PABPC4L: variants seen among roughly 807,000 people sequenced by gnomAD.
The protein encoded by PABPC4L is poly(A) binding protein cytoplasmic 4 like, also known as polyadenylate-binding protein 4-like.
For missense variants in PABPC4L, 452 were observed against 451.4 expected (o/e 1.00, Z -0.01); for synonymous variants, 169 against 164.1 (o/e 1.03, Z -0.23).
the PABPC4L span, among the ~76,000 whole-genome samples, chr4:134,143,271 A>T: frequency 6.7e-6 from 1 of 150,340 alleles, no homozygotes; most frequent in Non-Finnish European, 1.5e-5. Context: ...AATAATAAGC[A>T]TACTAAATAT....
the PABPC4L span, among the ~76,000 whole-genome samples, chr4:133,988,257 C>G: frequency 2.0e-5 from 3 of 152,154 alleles, no homozygotes; most frequent in Non-Finnish European, 4.4e-5. Context: ...CTCTCAAAGT[C>G]TGAACTCATT....
At chr4:133,981,559 G>A in the PABPC4L span, among the ~76,000 whole-genome samples, 1 of 152,000 alleles carries the variant, frequency 6.6e-6, no homozygotes, top group South Asian at 2.1e-4. Context: ...GGGAAAAATT[G>A]TCTTTTAATT....
At chr4:134,189,271 A>G in the PABPC4L span, among the ~76,000 whole-genome samples, 1 of 152,006 alleles carries the variant, frequency 6.6e-6, no homozygotes, top group Non-Finnish European at 1.5e-5. Context: ...TAATACCAAC[A>G]TTGTTGTCAT....
At chr4:134,120,912 C>G in the PABPC4L span, among the ~76,000 whole-genome samples, 31 of 151,236 alleles carry the variant, frequency 2.0e-4, no homozygotes, top group African/African-American at 6.8e-4. Context: ...TGTTTTTCTC[C>G]TCTCTCCTCT....
At chr4:134,082,979 G>A in the PABPC4L span, among the ~76,000 whole-genome samples, 1 of 152,126 alleles carries the variant, frequency 6.6e-6, no homozygotes, top group African/African-American at 2.4e-5. Context: ...GAGCACTGGG[G>A]TTAGCATGAC....
At chr4:133,983,991 T>C in the PABPC4L span, among the ~76,000 whole-genome samples, 3 of 151,832 alleles carry the variant, frequency 2.0e-5, no homozygotes, top group Non-Finnish European at 4.4e-5. Flanking sequence ...GAAATCTATA[T>C]AGGTAAATTA....
At chr4:134,179,518 A>T in the PABPC4L span, among the ~76,000 whole-genome samples, 1 of 152,150 alleles carries the variant, frequency 6.6e-6, no homozygotes, top group Non-Finnish European at 1.5e-5. Context: ...TGATGACAGA[A>T]TCAAATTCAC....
the PABPC4L span, among the ~76,000 whole-genome samples, chr4:134,043,025 G>A: frequency 3.9e-5 from 6 of 152,092 alleles, no homozygotes; most frequent in African/African-American, 1.4e-4. Flanking sequence ...AGATTACTTT[G>A]AAATCTCTGG....
At chr4:133,981,988 C>T in the PABPC4L span, among the ~76,000 whole-genome samples, 1 of 151,810 alleles carries the variant, frequency 6.6e-6, no homozygotes, top group East Asian at 1.9e-4. Flanking sequence ...AATAAAGTTA[C>T]TGTATAGGGA....
the PABPC4L span, among the ~76,000 whole-genome samples, chr4:134,083,237 C>T: frequency 6.6e-6 from 1 of 152,086 alleles, no homozygotes; most frequent in East Asian, 1.9e-4. Context: ...AAATTGGTTC[C>T]TCTGTTTATC....
chr4:134,041,705 T>C, the PABPC4L span, among the ~76,000 whole-genome samples: 2 of 151,836 alleles, frequency 1.3e-5, no homozygotes, highest in South Asian at 2.1e-4. Context: ...CCAGAACTTA[T>C]AGTATAATTA....
At chr4:134,082,746 C>A in the PABPC4L span, among the ~76,000 whole-genome samples, 1 of 151,852 alleles carries the variant, frequency 6.6e-6, no homozygotes, top group Admixed American at 6.6e-5. Context: ...ACATCATTAG[C>A]ATATTTTTCC....
rs1729757702 is a variant in PABPC4L at position 134,199,038 on chromosome 4, T to A, written c.*869A>T. ...AAGTTTTTAAACAGAATTTCTATAA[T>A]CTGTATGTATGATTTTCATAATATT... On this transcript the variant is annotated 3_prime_UTR_variant, in exon 2 of 2. Coordinates refer to ENST00000421491, the MANE Select transcript of PABPC4L (RefSeq NM_001114734.2). The A allele has an allele frequency of 6.6e-6, 1 of 152,056 alleles. No individual in the cohort carries two copies. The highest frequency in any genetic ancestry group is 2.4e-5 in the African/African-American group (1 of 41,450). 9.4% of individuals were successfully genotyped at this position (152,056 alleles called of 1,614,324 possible).
the PABPC4L span, among the ~76,000 whole-genome samples, chr4:134,180,702 A>C: frequency 6.6e-6 from 1 of 151,656 alleles, no homozygotes; most frequent in East Asian, 1.9e-4. Flanking sequence ...GAGGATGTAC[A>C]GTTGACCTTA....
chr4:134,155,904 A>T, the PABPC4L span, among the ~76,000 whole-genome samples: 1 of 152,036 alleles, frequency 6.6e-6, no homozygotes, highest in African/African-American at 2.4e-5. Context: ...AATAACATAA[A>T]AAGCATTGAA....
At chr4:134,076,829 G>A in the PABPC4L span, among the ~76,000 whole-genome samples, 5 of 152,020 alleles carry the variant, frequency 3.3e-5, no homozygotes, top group African/African-American at 1.2e-4. Context: ...ATACATATAT[G>A]TATATGTGTG....
chr4:134,047,219 T>A, the PABPC4L span, among the ~76,000 whole-genome samples: 720 of 152,240 alleles, frequency 4.7e-3, 9 homozygotes, highest in African/African-American at 0.016. Flanking sequence ...CAGTGGTGGT[T>A]CAGAAAAGAA....
chr4:134,028,983 T>C, the PABPC4L span, among the ~76,000 whole-genome samples: 1 of 152,188 alleles, frequency 6.6e-6, no homozygotes, highest in East Asian at 1.9e-4. Context: ...ATTTTTTCTA[T>C]TACCAAGTAA....
the PABPC4L span, among the ~76,000 whole-genome samples, chr4:133,995,518 C>T: frequency 0.014 from 2,191 of 152,188 alleles, 52 homozygotes; most frequent in African/African-American, 0.051. Context: ...CTGGGTATGA[C>T]TAATTTGTCT....
Sources: allele counts gnomAD v4.1 joint callset (sites outside exome capture counted in the v4.1 genomes callset), GRCh38; gene constraint gnomAD v4.1.1; transcripts MANE v1.5; gene names NCBI Gene and HGNC (gene_info 2026-07-23, HGNC 2026-07-21).